The following RIMBP2 variants were observed in gnomAD, a reference collection of about 807,000 sequenced individuals.
RIMBP2 encodes RIMS-binding protein 2.
In RIMBP2, 48 loss-of-function variants were observed where a neutral mutation model predicts 118.6. The ratio of observed to expected loss-of-function variants is 0.40; its 90% CI spans 0.32 to 0.51. RIMBP2 has a LOEUF of 0.51. RIMBP2 is among the 20% of genes least tolerant of loss of function. The probability of loss-of-function intolerance (pLI) is 0.41; values close to 1 mark genes in which losing one functional copy is unlikely to be tolerated. For synonymous variants in RIMBP2, 762 were observed against 742.9 expected, an observed-to-expected ratio of 1.03 and a Z score of -0.42; for missense variants, 1,551 against 1,768.3, an observed-to-expected ratio of 0.88 and a Z score of 2.20.
intron 11 of RIMBP2, among the ~76,000 whole-genome samples, chr12:130,439,799 CTA>C (rs1446886015): frequency 4.1e-5 from 4 of 96,716 alleles, no homozygotes; most frequent in African/African-American, 1.3e-4. Flanking sequence ...GTGTATCTGT[CTA>C]TGTGAGTCTG....
chr12:130,685,596 G>A (rs1281642444), intron 1 of RIMBP2, among the ~76,000 whole-genome samples: 4 of 152,152 alleles, frequency 2.6e-5, no homozygotes, highest in African/African-American at 4.8e-5. Flanking sequence ...AGCCCAGGCA[G>A]GAAGGGAGCC....
chr12:130,569,411 C>A (rs1263305044), intron 2 of RIMBP2, among the ~76,000 whole-genome samples: 1 of 152,224 alleles, frequency 6.6e-6, no homozygotes, highest in Admixed American at 6.5e-5. Flanking sequence ...ACTCACCGCA[C>A]TCCAGTGACC....
In RIMBP2 at chr12:130,646,365, C is replaced by CTCCACCTG. The variant is rs2062954387; in HGVS notation, c.-351-17910_-351-17909insCAGGTGGA. Among the ~76,000 whole-genome samples the CTCCACCTG allele has an allele frequency of 2.7e-5, 3 of 111,524 alleles. 1 individual carries two copies. The highest frequency in any genetic ancestry group is 6.2e-5 in the Non-Finnish European group (3 of 48,508). The allele number at this position is 111,524 out of a possible 152,430, so 73.2% of individuals were successfully genotyped here. ...TCCCTCACCACCTCCCTCACCACCT[C>CTCCACCTG]CCTCACCACCTCCCTCACCACCTCC... On this transcript the variant is annotated intron_variant, in intron 1 of 22. Coordinates refer to ENST00000690449, the MANE Select transcript of RIMBP2 (RefSeq NM_001393629.1).
intron 7 of RIMBP2, among the ~76,000 whole-genome samples, chr12:130,454,950 A>G (rs1002271293): frequency 2.6e-5 from 4 of 152,198 alleles, no homozygotes; most frequent in Non-Finnish European, 5.9e-5. Flanking sequence ...ACATCCCCTG[A>G]CTGATAAAGG....
At chr12:130,526,829 T>C (rs1163711345) in intron 2 of RIMBP2, among the ~76,000 whole-genome samples, 1 of 152,176 alleles carries the variant, frequency 6.6e-6, no homozygotes, top group Non-Finnish European at 1.5e-5. Context: ...CACTGGAGTG[T>C]GCTTGGTAAT....
rs937454850 is a variant in RIMBP2 at position 130,620,104 on chromosome 12, T to C, written c.-217+8218A>G. ...AAGGGCCTCCGAGGCAGTGGCTCACTCTTCTGGCCAGAGCTTCCAGACTCT... is the reference window on the plus strand; with the variant it reads ...AAGGGCCTCCGAGGCAGTGGCTCACCCTTCTGGCCAGAGCTTCCAGACTCT... On this transcript the variant is annotated intron_variant, in intron 2 of 22. Transcript: ENST00000690449. This position sits in a 1 kb window ranked among gnomAD's most constrained non-coding sequence, Gnocchi z 5.3. 6.6e-6 allele frequency among the ~76,000 whole-genome samples: 1 copy of C among 152,156 alleles called. No individual in the cohort carries two copies. The highest frequency in any genetic ancestry group is 2.4e-5 in the African/African-American group (1 of 41,444).
intron 17 of RIMBP2, among the ~76,000 whole-genome samples, chr12:130,421,259 G>C (rs561599242): frequency 6.6e-6 from 1 of 152,248 alleles, no homozygotes; most frequent in African/African-American, 2.4e-5. Context: ...CACTAACCCT[G>C]CTAGCTGATC....
At chr12:130,496,624 C>T (rs551897267) in intron 4 of RIMBP2, among the ~76,000 whole-genome samples, 1 of 151,520 alleles carries the variant, frequency 6.6e-6, no homozygotes, top group East Asian at 2.0e-4. Context: ...TCACCCTGAG[C>T]CCCCTTCTAT....
intron 4 of RIMBP2, among the ~76,000 whole-genome samples, chr12:130,505,928 T>C (rs1295005914): frequency 1.4e-5 from 2 of 141,584 alleles, no homozygotes; most frequent in Non-Finnish European, 3.0e-5. Flanking sequence ...GTAAAATCAC[T>C]TCTTGATTTA....
intron 1 of RIMBP2, among the ~76,000 whole-genome samples, chr12:130,665,942 G>A (rs974871286): frequency 6.6e-6 from 1 of 152,042 alleles, no homozygotes; most frequent in African/African-American, 2.4e-5. Context: ...TATCACATCT[G>A]GAACTCACTC....
intron 2 of RIMBP2, among the ~76,000 whole-genome samples, chr12:130,605,554 G>A (rs1382885845): frequency 1.3e-5 from 2 of 152,116 alleles, no homozygotes; most frequent in African/African-American, 4.8e-5. Flanking sequence ...TTGTGGTTGT[G>A]TAGAAAATAA....
chr12:130,417,344 C>T (rs921681222), intron 17 of RIMBP2, among the ~76,000 whole-genome samples: 3 of 152,208 alleles, frequency 2.0e-5, no homozygotes, highest in Non-Finnish European at 4.4e-5. Context: ...AACCTAGATG[C>T]TCATCAACAG....
At chr12:130,702,182 G>T (rs2065885385) in intron 1 of RIMBP2, among the ~76,000 whole-genome samples, 1 of 152,054 alleles carries the variant, frequency 6.6e-6, no homozygotes, top group African/African-American at 2.4e-5. Flanking sequence ...ATGATTTTGG[G>T]TAAATTTCCA....
At chr12:130,478,566 G>A (rs2081645095) in intron 5 of RIMBP2, among the ~76,000 whole-genome samples, 1 of 152,206 alleles carries the variant, frequency 6.6e-6, no homozygotes, top group Non-Finnish European at 1.5e-5. Flanking sequence ...GTCACCTTCT[G>A]TGTGCCCTTT....
At position 130,525,695 on chromosome 12, in the gene RIMBP2, A is replaced by G. The variant is rs1001290932; in HGVS notation, c.-216-7778T>C. Among the ~76,000 whole-genome samples, 1 of 152,136 alleles carries G rather than the reference A, an allele frequency of 6.6e-6. No individual in the cohort carries two copies. Among genetic ancestry groups the G allele is most frequent in the Non-Finnish European group, 1.5e-5 (1 of 68,018 alleles). Reference sequence around the variant, plus strand: ...ACGGGGCACTTGGGGATGAGATCGTATGGGGGGAGATGACCCAAGGGGCTC... The same window carrying G: ...ACGGGGCACTTGGGGATGAGATCGTGTGGGGGGAGATGACCCAAGGGGCTC... On this transcript the variant is annotated intron_variant, in intron 2 of 22. Coordinates refer to ENST00000690449, the MANE Select transcript of RIMBP2 (RefSeq NM_001393629.1). This position sits in a 1 kb window ranked among gnomAD's most constrained non-coding sequence, Gnocchi z 4.4.
chr12:130,572,447 C>G (rs1407311880), intron 2 of RIMBP2, among the ~76,000 whole-genome samples: 1 of 152,022 alleles, frequency 6.6e-6, no homozygotes, highest in Non-Finnish European at 1.5e-5. Flanking sequence ...CTTGGACACT[C>G]GGCTCCCTGG....
At position 130,494,147 on chromosome 12, in the gene RIMBP2, G is replaced by A. The variant is rs150951174; in HGVS notation, c.-4+12501C>T. Among the ~76,000 whole-genome samples, 78 of 152,274 alleles carry A rather than the reference G, an allele frequency of 5.1e-4. 2 individuals carry two copies. The East Asian group carries it at 0.012, about 23-fold the overall frequency. On this transcript the variant is annotated intron_variant, in intron 4 of 22. Transcript: ENST00000690449. ...TACATCCCACACTCTGGGACAGAGCGCTCATTCTGTATCACTGCGCTGGGG... is the reference window on the plus strand; with the variant it reads ...TACATCCCACACTCTGGGACAGAGCACTCATTCTGTATCACTGCGCTGGGG...
intron 2 of RIMBP2, among the ~76,000 whole-genome samples, chr12:130,530,084 T>A (rs1255654816): frequency 6.6e-6 from 1 of 152,106 alleles, no homozygotes; most frequent in African/African-American, 2.4e-5. Context: ...GTTGAAAGAA[T>A]CTCACCTGAG....
chr12:130,483,263 C>T (rs2082182319), intron 4 of RIMBP2, among the ~76,000 whole-genome samples: 1 of 151,794 alleles, frequency 6.6e-6, no homozygotes, highest in African/African-American at 2.4e-5. Context: ...GTGTCAGATT[C>T]TGCAGGGGAG....
Sources: gnomAD v4.1 joint callset for allele counts (sites outside exome capture counted in the v4.1 genomes callset) on GRCh38, gnomAD v4.1.1 for gene constraint, Gnocchi (gnomAD v3.1) non-coding constraint, MANE v1.5 for transcripts, NCBI Gene and HGNC (gene_info 2026-07-23, HGNC 2026-07-21) for gene names.